The following PLCL2 variants were observed in gnomAD, a reference collection of about 807,000 sequenced individuals.
PLCL2 encodes the protein inactive phospholipase C-like protein 2.
PLCL2 carries 4 observed loss-of-function variants against 79.6 expected under a neutral mutation model. That is an observed-to-expected ratio of 0.05 (90% CI 0.02 to 0.11). PLCL2 has a LOEUF of 0.11. PLCL2 is among the 10% of genes least tolerant of loss of function. The probability of loss-of-function intolerance (pLI) is 1.00; values close to 1 mark genes in which losing one functional copy is unlikely to be tolerated. For synonymous variants in PLCL2, 484 were observed against 457.7 expected, an observed-to-expected ratio of 1.06 and a Z score of -0.73; for missense variants, 895 against 1,291.0, an observed-to-expected ratio of 0.69 and a Z score of 4.70.
intron 1 of PLCL2, among the ~76,000 whole-genome samples, chr3:16,923,913 TA>T (rs1697183556): frequency 6.6e-6 from 1 of 151,912 alleles, no homozygotes; most frequent in East Asian, 1.9e-4. Flanking sequence ...TCTTTTAAGT[TA>T]TTATACTTCT....
chr3:16,975,733 C>T (rs900025369), intron 1 of PLCL2, among the ~76,000 whole-genome samples: 3 of 152,108 alleles, frequency 2.0e-5, no homozygotes, highest in Non-Finnish European at 4.4e-5. Flanking sequence ...GACAGAAGTC[C>T]AGGATGATTG....
At chr3:16,903,345 A>C (rs907931104) in intron 1 of PLCL2, among the ~76,000 whole-genome samples, 2 of 152,198 alleles carry the variant, frequency 1.3e-5, no homozygotes, top group Admixed American at 6.5e-5. Flanking sequence ...GGTAGGATGC[A>C]TTGATACTAT....
chr3:16,885,584 T>A (rs1488121760), intron 1 of PLCL2, among the ~76,000 whole-genome samples: 2 of 152,210 alleles, frequency 1.3e-5, no homozygotes, highest in African/African-American at 4.8e-5. Context: ...TCAGACATCC[T>A]CAGTTGAACT....
intron 1 of PLCL2, among the ~76,000 whole-genome samples, chr3:16,909,826 G>A (rs1255725258): frequency 6.6e-6 from 1 of 152,092 alleles, no homozygotes; most frequent in African/African-American, 2.4e-5. Flanking sequence ...TTAAAGATCG[G>A]GATGGTTTCT....
chr3:17,002,426 A>G (rs1231892375), intron 1 of PLCL2, among the ~76,000 whole-genome samples: 1 of 152,152 alleles, frequency 6.6e-6, no homozygotes, highest in East Asian at 1.9e-4. Context: ...AAAAATGGAC[A>G]TCCTTGTCCT....
chr3:17,064,134 A>G (rs1008820898), intron 4 of PLCL2, among the ~76,000 whole-genome samples: 3 of 152,200 alleles, frequency 2.0e-5, no homozygotes, highest in Non-Finnish European at 4.4e-5. Flanking sequence ...TCACCCAGAA[A>G]AGTTCTTTAT....
intron 1 of PLCL2, among the ~76,000 whole-genome samples, chr3:16,922,313 G>A (rs139731236): frequency 2.0e-5 from 3 of 152,272 alleles, no homozygotes; most frequent in African/African-American, 7.2e-5. Context: ...TCTAAAATTG[G>A]TAACTTTAAA....
intron 5 of PLCL2, among the ~76,000 whole-genome samples, chr3:17,079,202 T>C (rs138225944): frequency 5.3e-5 from 8 of 152,200 alleles, no homozygotes; most frequent in Admixed American, 1.3e-4. Flanking sequence ...CCCCTCGCTC[T>C]CTGCATCCTC....
intron 1 of PLCL2, among the ~76,000 whole-genome samples, chr3:16,941,002 C>G (rs1168195172): frequency 6.6e-6 from 1 of 152,134 alleles, no homozygotes; most frequent in East Asian, 1.9e-4. Flanking sequence ...CCCTTGGCTT[C>G]CACCTCTGTA....
intron 1 of PLCL2, among the ~76,000 whole-genome samples, chr3:16,946,953 C>CTTTTTTTTTTTTTTTTTTTTTTT (rs1056023349): frequency 1.0e-5 from 1 of 95,444 alleles, no homozygotes; most frequent in Non-Finnish European, 1.9e-5. Flanking sequence ...AAGTTTCATT[C>CTTTTTTTTTTTTTTTTTTTTTTT]TTTTTTTTTT....
At chr3:16,927,360 A>T (rs2124939868) in intron 1 of PLCL2, among the ~76,000 whole-genome samples, 2 of 152,374 alleles carry the variant, frequency 1.3e-5, no homozygotes, top group East Asian at 3.9e-4. Flanking sequence ...TACAAAAAAA[A>T]ATGAAATAAA....
intron 3 of PLCL2, among the ~76,000 whole-genome samples, chr3:17,034,985 C>T (rs926583840): frequency 6.6e-6 from 1 of 152,158 alleles, no homozygotes; most frequent in East Asian, 1.9e-4. Context: ...ACCACTCTTG[C>T]ACCTGTCATA....
intron 5 of PLCL2, among the ~76,000 whole-genome samples, chr3:17,089,071 A>T (rs1319235561): frequency 1.3e-5 from 2 of 151,900 alleles, no homozygotes; most frequent in African/African-American, 4.8e-5. Context: ...TGGGCTTCAG[A>T]GATGGAGAAC....
At chr3:17,035,547 T>C (rs770407850) in intron 3 of PLCL2, among the ~76,000 whole-genome samples, 1 of 152,176 alleles carries the variant, frequency 6.6e-6, no homozygotes, top group African/African-American at 2.4e-5. Context: ...GTCTCTCATA[T>C]AGCAGTGGCC....
At chr3:16,950,341 A>G (rs1267123125) in intron 1 of PLCL2, among the ~76,000 whole-genome samples, 1 of 152,156 alleles carries the variant, frequency 6.6e-6, no homozygotes, top group Non-Finnish European at 1.5e-5. Context: ...ACAGGCTTGC[A>G]TACCAAGCAT....
At chr3:17,051,138 G>A (rs1177146194) in intron 4 of PLCL2, among the ~76,000 whole-genome samples, 2 of 152,032 alleles carry the variant, frequency 1.3e-5, no homozygotes, top group Admixed American at 6.6e-5. Flanking sequence ...ATGGTTACCC[G>A]AGGCTGGGAA....
intron 1 of PLCL2, among the ~76,000 whole-genome samples, chr3:16,897,878 T>G (rs1696520491): frequency 6.6e-6 from 1 of 152,242 alleles, no homozygotes; most frequent in Admixed American, 6.5e-5. Context: ...AACATGAAGA[T>G]TTCAGTCGTT....
intron 1 of PLCL2, among the ~76,000 whole-genome samples, chr3:16,945,313 G>A (rs9841259): frequency 0.56 from 84,361 of 151,818 alleles, 23,563 homozygotes; most frequent in South Asian, 0.64. Flanking sequence ...GCTTTTCTCC[G>A]TAGTATTTAT....
At chr3:16,928,107 G>A (rs115037758) in intron 1 of PLCL2, among the ~76,000 whole-genome samples, 1 of 152,220 alleles carries the variant, frequency 6.6e-6, no homozygotes, top group Non-Finnish European at 1.5e-5. Context: ...CATAATTGCT[G>A]TGTGAGCATG....
Sources: allele counts gnomAD v4.1 joint callset (sites outside exome capture counted in the v4.1 genomes callset), GRCh38; gene constraint gnomAD v4.1.1; transcripts MANE v1.5; gene names NCBI Gene and HGNC (gene_info 2026-07-23, HGNC 2026-07-21).